RGS7: variants seen among roughly 807,000 people sequenced by gnomAD.
RGS7 encodes the protein regulator of G protein signaling 7.
In RGS7, 27 loss-of-function variants were observed where a neutral mutation model predicts 81.1. That is an observed-to-expected ratio of 0.33 (90% CI 0.25 to 0.46). The LOEUF (loss-of-function observed/expected upper bound fraction) is 0.46. Ranked by LOEUF, RGS7 falls within the 20% of genes least tolerant of loss-of-function variation. RGS7 has a pLI of 1.00. For missense variants in RGS7, 396 were observed against 607.4 expected (o/e 0.65, Z 3.66); for synonymous variants, 208 against 207.7 (o/e 1.00, Z -0.01).
intron 2 of RGS7, among the ~76,000 whole-genome samples, chr1:241,157,041 T>G (rs2069208960): frequency 6.6e-6 from 1 of 152,210 alleles, no homozygotes; most frequent in African/African-American, 2.4e-5. Flanking sequence ...CATATATGTT[T>G]TAAAAATCCC....
chr1:241,238,941 C>G (rs2076120945), intron 2 of RGS7, among the ~76,000 whole-genome samples: 1 of 148,674 alleles, frequency 6.7e-6, no homozygotes, highest in South Asian at 2.1e-4. Context: ...GCCAATGAGT[C>G]TCCAAATAGC....
chr1:241,129,907 T>C (rs1300462540), intron 2 of RGS7, among the ~76,000 whole-genome samples: 1 of 152,190 alleles, frequency 6.6e-6, no homozygotes, highest in Non-Finnish European at 1.5e-5. Context: ...TGAGATCTAA[T>C]ATTATTTTAA....
intron 4 of RGS7, among the ~76,000 whole-genome samples, chr1:240,958,155 T>C (rs770675260): frequency 1.3e-5 from 2 of 152,348 alleles, no homozygotes; most frequent in African/African-American, 4.8e-5. Context: ...GTGTCCTTCC[T>C]GAAAGTCCTT....
At chr1:240,834,859 A>G (rs570183741) in intron 9 of RGS7, among the ~76,000 whole-genome samples, 1 of 152,014 alleles carries the variant, frequency 6.6e-6, no homozygotes, top group South Asian at 2.1e-4. Flanking sequence ...GGAGAGTTTT[A>G]AACAGGAGAG....
In RGS7 at chr1:241,087,108, G is replaced by A. The variant is rs147907526; in HGVS notation, c.175+11558C>T. On this transcript the variant is annotated intron_variant, in intron 3 of 18. Transcript: ENST00000440928. ...ACAGCATGGCTTAATTCTCTGTATC[G>A]CTAGGCCTGACAAAACGCTCACACA... Among the ~76,000 whole-genome samples, 152 of 152,140 alleles carry A rather than the reference G, an allele frequency of 1.0e-3. 1 individual carries two copies. The highest frequency in any genetic ancestry group is 3.4e-3 in the African/African-American group (143 of 41,514).
chr1:240,939,666 C>A (rs1314897584), intron 4 of RGS7, among the ~76,000 whole-genome samples: 1 of 152,196 alleles, frequency 6.6e-6, no homozygotes, highest in Non-Finnish European at 1.5e-5. Flanking sequence ...TGGCCTATCT[C>A]TTCCTATATG....
chr1:240,965,493 C>T (rs533060544), intron 4 of RGS7, among the ~76,000 whole-genome samples: 1 of 152,178 alleles, frequency 6.6e-6, no homozygotes, highest in Non-Finnish European at 1.5e-5. Context: ...AGACATGTCC[C>T]CAGTATTTCC....
At chr1:240,776,940 T>C (rs1683036639) in intron 18 of RGS7, among the ~76,000 whole-genome samples, 1 of 152,194 alleles carries the variant, frequency 6.6e-6, no homozygotes, top group Non-Finnish European at 1.5e-5. Flanking sequence ...AGCACATACT[T>C]ATGTTTTAGA....
At chr1:240,903,532 T>C (rs1470520063) in intron 6 of RGS7, among the ~76,000 whole-genome samples, 1 of 151,942 alleles carries the variant, frequency 6.6e-6, no homozygotes, top group Non-Finnish European at 1.5e-5. Flanking sequence ...TAAATAATTA[T>C]AGATAATTAT....
At chr1:241,244,163 A>C (rs2076404501) in intron 2 of RGS7, among the ~76,000 whole-genome samples, 1 of 152,218 alleles carries the variant, frequency 6.6e-6, no homozygotes, top group Non-Finnish European at 1.5e-5. Context: ...CATCAGAGTG[A>C]ACAGGCAACC....
chr1:241,121,710 C>CTTTATTTTTTTTTTTT (rs2066269492), intron 2 of RGS7, among the ~76,000 whole-genome samples: 1 of 66,412 alleles, frequency 1.5e-5, no homozygotes, highest in African/African-American at 6.3e-5. Context: ...TGCAATTGTT[C>CTTTATTTTTTTTTTTT]TTTTTTTTTT....
At chr1:241,068,530 C>T (rs1357434707) in intron 3 of RGS7, among the ~76,000 whole-genome samples, 1 of 151,852 alleles carries the variant, frequency 6.6e-6, no homozygotes, top group Non-Finnish European at 1.5e-5. Flanking sequence ...GATGAGGAAA[C>T]AGAAGCACCA....
At chr1:240,883,510 A>AT (rs1666794326) in intron 6 of RGS7, among the ~76,000 whole-genome samples, 1 of 152,046 alleles carries the variant, frequency 6.6e-6, no homozygotes, top group Non-Finnish European at 1.5e-5. Flanking sequence ...TTAAATCCTC[A>AT]TTATTTGCTG....
chr1:241,041,462 C>G lies in RGS7; in HGVS notation c.175+57204G>C, dbSNP rs182485987. 4.9e-4 allele frequency among the ~76,000 whole-genome samples: 75 copies of G among 152,250 alleles called. 1 individual carries two copies. The highest frequency in any genetic ancestry group is 2.9e-4 in the Non-Finnish European group (20 of 68,024). Reference sequence around the variant, plus strand: ...GGGCAGGAGTACAGGCACTTTCTCTCATGAGTATTTTACATAGGAATGATC... The same window carrying G: ...GGGCAGGAGTACAGGCACTTTCTCTGATGAGTATTTTACATAGGAATGATC... On this transcript the variant is annotated intron_variant, in intron 3 of 18. Coordinates refer to ENST00000440928, the MANE Select transcript of RGS7 (RefSeq NM_001364886.1).
At chr1:241,186,774 A>T (rs185660638) in intron 2 of RGS7, among the ~76,000 whole-genome samples, 1 of 151,984 alleles carries the variant, frequency 6.6e-6, no homozygotes, top group Non-Finnish European at 1.5e-5. Context: ...TGATCCACCT[A>T]CCTCGGCCTC....
chr1:240,832,717 A>G (rs1694053195), intron 9 of RGS7, among the ~76,000 whole-genome samples: 1 of 152,224 alleles, frequency 6.6e-6, no homozygotes, highest in Non-Finnish European at 1.5e-5. Flanking sequence ...TTTAAGTTCC[A>G]TCACTGCAGC....
intron 3 of RGS7, among the ~76,000 whole-genome samples, chr1:241,013,512 T>C (rs981881221): frequency 6.6e-6 from 1 of 152,172 alleles, no homozygotes; most frequent in African/African-American, 2.4e-5. Flanking sequence ...GAAAATAAAT[T>C]ATGTATTTTT....
intron 13 of RGS7, among the ~76,000 whole-genome samples, chr1:240,813,333 T>C (rs1183501539): frequency 6.6e-6 from 1 of 152,228 alleles, no homozygotes; most frequent in East Asian, 1.9e-4. Context: ...ATAATAGCAA[T>C]GAGCTAAATT....
At position 241,043,552 on chromosome 1, in the gene RGS7, A is replaced by G. The variant is rs555354916; in HGVS notation, c.175+55114T>C. 6.1e-5 allele frequency among the ~76,000 whole-genome samples: 9 copies of G among 147,560 alleles called. No homozygotes were observed. In the South Asian group the frequency reaches 1.9e-3, roughly 31 times the overall value. On this transcript the variant is annotated intron_variant, in intron 3 of 18. Coordinates refer to ENST00000440928, the MANE Select transcript of RGS7 (RefSeq NM_001364886.1). ...CATATATAGATATATCATATATAAT[A>G]TTATATAGTTATATTTTATATATTA...
Sources: gnomAD v4.1 joint callset for allele counts (sites outside exome capture counted in the v4.1 genomes callset) on GRCh38, gnomAD v4.1.1 for gene constraint, MANE v1.5 for transcripts, NCBI Gene and HGNC (gene_info 2026-07-23, HGNC 2026-07-21) for gene names.